Variants in IGBP1C observed in about 807,000 individuals in gnomAD.
IGBP1C encodes the protein immunoglobulin-binding protein 1 family member C.
the IGBP1C span, among the ~76,000 whole-genome samples, chr17:58,673,344 G>A: frequency 3.3e-5 from 5 of 151,730 alleles, no homozygotes; most frequent in African/African-American, 4.8e-5. Flanking sequence ...TTAGCCAGGC[G>A]TAGTGGTGCA....
chr17:58,679,441 T>C, the IGBP1C span: 1 of 148,372 alleles, frequency 6.7e-6, no homozygotes, highest in Admixed American at 6.8e-5. Context: ...AATCTCTCGC[T>C]ATTCCAAAAC....
the IGBP1C span, among the ~76,000 whole-genome samples, chr17:58,667,769 C>T: frequency 6.6e-6 from 1 of 151,930 alleles, no homozygotes; most frequent in South Asian, 2.1e-4. Flanking sequence ...CCTGTAATCC[C>T]AGCTACTTGG....
At chr17:58,666,096 C>T in the IGBP1C span, among the ~76,000 whole-genome samples, 1 of 151,038 alleles carries the variant, frequency 6.6e-6, no homozygotes, top group Non-Finnish European at 1.5e-5. Flanking sequence ...GTAATTCCAG[C>T]ATTTTAGGAG....
At chr17:58,673,303 A>G in the IGBP1C span, among the ~76,000 whole-genome samples, 1 of 151,474 alleles carries the variant, frequency 6.6e-6, no homozygotes, top group Admixed American at 6.6e-5. Flanking sequence ...ATATGGCGAA[A>G]CCATAAAAAA....
At chr17:58,665,021 G>C in the IGBP1C span, among the ~76,000 whole-genome samples, 1 of 152,138 alleles carries the variant, frequency 6.6e-6, no homozygotes, top group Admixed American at 6.6e-5. Context: ...GTTTGTGGAA[G>C]TAATACAGCA....
the IGBP1C span, among the ~76,000 whole-genome samples, chr17:58,674,753 C>A: frequency 2.1e-5 from 3 of 145,394 alleles, no homozygotes; most frequent in Non-Finnish European, 4.5e-5. Flanking sequence ...TTACATATGA[C>A]ATCAAAAGCA....
the IGBP1C span, among the ~76,000 whole-genome samples, chr17:58,675,815 T>G: frequency 6.6e-6 from 1 of 152,212 alleles, no homozygotes; most frequent in African/African-American, 2.4e-5. Context: ...TTTTAATTTT[T>G]AGAGACAGGT....
the IGBP1C span, among the ~76,000 whole-genome samples, chr17:58,667,993 A>C: frequency 2.0e-5 from 3 of 152,090 alleles, no homozygotes. Context: ...TTCTTGTAAA[A>C]TCCAGTTTTA....
the IGBP1C span, among the ~76,000 whole-genome samples, chr17:58,681,647 C>A: frequency 6.6e-6 from 1 of 151,920 alleles, no homozygotes; most frequent in Non-Finnish European, 1.5e-5. Context: ...GCCAGGAGTT[C>A]GAGACCAGCC....
the IGBP1C span, among the ~76,000 whole-genome samples, chr17:58,678,591 G>A: frequency 1.1e-4 from 17 of 151,996 alleles, no homozygotes; most frequent in South Asian, 4.2e-4. Flanking sequence ...ACCAAACACC[G>A]TATGTTCTCA....
At chr17:58,674,533 G>C in the IGBP1C span, among the ~76,000 whole-genome samples, 2 of 151,694 alleles carry the variant, frequency 1.3e-5, no homozygotes, top group Non-Finnish European at 2.9e-5. Flanking sequence ...AGCTGAGCAT[G>C]GTGGCTCAGG....
the IGBP1C span, among the ~76,000 whole-genome samples, chr17:58,682,566 A>C: frequency 6.6e-6 from 1 of 151,908 alleles, no homozygotes; most frequent in African/African-American, 2.4e-5. Flanking sequence ...TCCTCCAACC[A>C]GATTTCAAAG....
At chr17:58,668,042 A>G in the IGBP1C span, among the ~76,000 whole-genome samples, 17 of 152,152 alleles carry the variant, frequency 1.1e-4, no homozygotes, top group South Asian at 2.9e-3. Context: ...CTGAAACCCA[A>G]ATTCTCCAAA....
At chr17:58,688,690 G>A in the IGBP1C span, among the ~76,000 whole-genome samples, 1 of 152,144 alleles carries the variant, frequency 6.6e-6, no homozygotes, top group Non-Finnish European at 1.5e-5. Flanking sequence ...TTCCAGACAT[G>A]TGATACAAAT....
chr17:58,670,766 C>T, the IGBP1C span, among the ~76,000 whole-genome samples: 3 of 97,492 alleles, frequency 3.1e-5, no homozygotes, highest in African/African-American at 1.3e-4. Context: ...GAGTGAGACT[C>T]CCTCTTAAAA....
At chr17:58,661,516 G>A in the IGBP1C span, 2 of 779,960 alleles carry the variant, frequency 2.6e-6, no homozygotes, top group Non-Finnish European at 4.8e-6. Flanking sequence ...TCGCTCCTTC[G>A]ACTTCGTCCA....
chr17:58,685,114 A>G, the IGBP1C span, among the ~76,000 whole-genome samples: 1 of 152,258 alleles, frequency 6.6e-6, no homozygotes, highest in South Asian at 2.1e-4. Context: ...CCTTCTAAAC[A>G]TGTTACCAAA....
chr17:58,665,588 T>C, the IGBP1C span, among the ~76,000 whole-genome samples: 342 of 151,422 alleles, frequency 2.3e-3, 6 homozygotes, highest in Admixed American at 0.016. Flanking sequence ...AGGGTGAGAC[T>C]CTGTCTCATA....
At chr17:58,665,943 G>C in the IGBP1C span, among the ~76,000 whole-genome samples, 2 of 150,624 alleles carry the variant, frequency 1.3e-5, no homozygotes, top group African/African-American at 4.9e-5. Flanking sequence ...GCTCTACTCA[G>C]GAGGCTGAGG....
Sources: gnomAD v4.1 joint callset for allele counts (sites outside exome capture counted in the v4.1 genomes callset) on GRCh38, gnomAD v4.1.1 for gene constraint, MANE v1.5 for transcripts, NCBI Gene and HGNC (gene_info 2026-07-23, HGNC 2026-07-21) for gene names.